Variants in IGSF21 observed in about 807,000 individuals in gnomAD.
IGSF21 encodes the protein immunoglobulin superfamily member 21.
A neutral mutation model predicts 46.8 loss-of-function variants in IGSF21; 28 were observed. The observed-to-expected ratio is 0.60, with a 90% CI of 0.44 to 0.82. The LOEUF (loss-of-function observed/expected upper bound fraction) is 0.82. Ranked by LOEUF, IGSF21 falls within the 40% of genes least tolerant of loss-of-function variation. The pLI, the probability that IGSF21 is intolerant of heterozygous loss-of-function variation, is 0.00. For synonymous variants in IGSF21, 284 were observed against 273.6 expected (o/e 1.04, Z -0.38); for missense variants, 624 against 665.5 (o/e 0.94, Z 0.69).
intron 1 of IGSF21, among the ~76,000 whole-genome samples, chr1:18,178,124 C>A (rs942128545): frequency 6.6e-6 from 1 of 151,984 alleles, no homozygotes; most frequent in Non-Finnish European, 1.5e-5. Context: ...AGGGAGCAGG[C>A]TGGAAAAGAG....
chr1:18,213,415 C>G (rs2084411769), intron 1 of IGSF21, among the ~76,000 whole-genome samples: 1 of 152,116 alleles, frequency 6.6e-6, no homozygotes, highest in South Asian at 2.1e-4. Context: ...CATTCAAGTA[C>G]CCAGGTTTCT....
At chr1:18,339,180 T>C (rs954531714) in intron 4 of IGSF21, among the ~76,000 whole-genome samples, 3 of 152,174 alleles carry the variant, frequency 2.0e-5, no homozygotes, top group Non-Finnish European at 4.4e-5. Flanking sequence ...ATTTTACGGA[T>C]GACGGAGCAG....
intron 2 of IGSF21, among the ~76,000 whole-genome samples, chr1:18,242,483 GT>G (rs1265928292): frequency 1.3e-5 from 2 of 152,188 alleles, no homozygotes; most frequent in Non-Finnish European, 2.9e-5. Context: ...ATTTTGCAAA[GT>G]GGTAGAGTAA....
intron 1 of IGSF21, among the ~76,000 whole-genome samples, chr1:18,177,636 A>G (rs905222158): frequency 6.6e-5 from 10 of 151,808 alleles, no homozygotes; most frequent in Non-Finnish European, 1.3e-4. Flanking sequence ...CTTAATTTGC[A>G]TGGGTTTGCA....
intron 2 of IGSF21, among the ~76,000 whole-genome samples, chr1:18,244,684 G>A (rs901885580): frequency 3.3e-5 from 5 of 152,116 alleles, no homozygotes; most frequent in Non-Finnish European, 4.4e-5. Flanking sequence ...CTGCCCTGGT[G>A]GAATAAAGGA....
rs368501041 is a variant in IGSF21 at position 18,337,510 on chromosome 1, C to T, written c.424+2500C>T. Among the ~76,000 whole-genome samples, 2 of 152,136 alleles carry T rather than the reference C, an allele frequency of 1.3e-5. No homozygotes were observed. The highest frequency in any genetic ancestry group is 4.8e-5 in the African/African-American group (2 of 41,420). Reference sequence around the variant, plus strand: ...GTTTTGGCCCCAGCAAAGAGAAGTCCCCCATTCACAGCTCCAAAGAGCCCT... The same window carrying T: ...GTTTTGGCCCCAGCAAAGAGAAGTCTCCCATTCACAGCTCCAAAGAGCCCT... On this transcript the variant is annotated intron_variant, in intron 4 of 9. Coordinates refer to ENST00000251296, the MANE Select transcript of IGSF21 (RefSeq NM_032880.5). This position sits in a 1 kb window ranked among gnomAD's most constrained non-coding sequence, Gnocchi z 5.7.
rs78434086 is a variant in IGSF21, at chr1:18,161,213, G to A, written c.70+53015G>A. Among the ~76,000 whole-genome samples, 419 of 152,238 alleles carry A rather than the reference G, an allele frequency of 2.8e-3. 1 individual carries two copies. Among genetic ancestry groups the A allele is most frequent in the African/African-American group, 9.2e-3 (381 of 41,562 alleles). ...CCTTTCTCCACAGAGTCCCTACGGGGCCCTCCCAGCCTCCACTGGCATGAA... is the reference window on the plus strand; with the variant it reads ...CCTTTCTCCACAGAGTCCCTACGGGACCCTCCCAGCCTCCACTGGCATGAA... On this transcript the variant is annotated intron_variant, in intron 1 of 9. Coordinates refer to ENST00000251296, the MANE Select transcript of IGSF21 (RefSeq NM_032880.5).
chr1:18,150,053 A>G (rs1317074473), intron 1 of IGSF21, among the ~76,000 whole-genome samples: 1 of 152,108 alleles, frequency 6.6e-6, no homozygotes, highest in Non-Finnish European at 1.5e-5. Flanking sequence ...TAGGAGTTTG[A>G]GGCCATCCTG....
rs559561361 is a variant in IGSF21 at position 18,123,480 on chromosome 1, A to C, written c.70+15282A>C. On this transcript the variant is annotated intron_variant, in intron 1 of 9. Coordinates refer to ENST00000251296, the MANE Select transcript of IGSF21 (RefSeq NM_032880.5). ...CCCAGTGCCTGTCCTCAAGGAATTC[A>C]TAGTCTCTTGGGGCTGATAGGCAGG... 1.2e-4 allele frequency among the ~76,000 whole-genome samples: 18 copies of C among 152,328 alleles called. No homozygotes were observed. In the East Asian group the frequency reaches 3.5e-3, roughly 29 times the overall value.
At chr1:18,218,307 G>A (rs2084473974) in intron 1 of IGSF21, among the ~76,000 whole-genome samples, 1 of 152,162 alleles carries the variant, frequency 6.6e-6, no homozygotes, top group African/African-American at 2.4e-5. Flanking sequence ...GAGCAGCAAG[G>A]GAAAAGTCTG....
At chr1:18,174,095 C>T (rs929809470) in intron 1 of IGSF21, among the ~76,000 whole-genome samples, 7 of 152,138 alleles carry the variant, frequency 4.6e-5, no homozygotes, top group Non-Finnish European at 1.0e-4. Context: ...ATGAATGTTC[C>T]GGGAAGCTCA....
intron 4 of IGSF21, among the ~76,000 whole-genome samples, chr1:18,360,959 C>A (rs1409387298): frequency 7.0e-6 from 1 of 143,420 alleles, no homozygotes; most frequent in Non-Finnish European, 1.6e-5. Context: ...CAGTCCCTGC[C>A]CCTTGCGATG....
chr1:18,112,024 G>C (rs1374944579), intron 1 of IGSF21: 1 of 152,358 alleles, frequency 6.6e-6, no homozygotes, highest in Non-Finnish European at 1.5e-5. Context: ...AGAGGACGGA[G>C]TAGGGGAAGG....
intron 2 of IGSF21, among the ~76,000 whole-genome samples, chr1:18,235,618 C>A (rs1460961967): frequency 6.6e-6 from 1 of 152,132 alleles, no homozygotes; most frequent in Non-Finnish European, 1.5e-5. Context: ...ACAGAAAGTG[C>A]ATGTGGCTGG....
intron 1 of IGSF21, among the ~76,000 whole-genome samples, chr1:18,186,133 C>T (rs2086900775): frequency 6.6e-6 from 1 of 152,114 alleles, no homozygotes; most frequent in East Asian, 1.9e-4. Flanking sequence ...ATTCCCTGTC[C>T]CCCAGACACT....
intron 1 of IGSF21, among the ~76,000 whole-genome samples, chr1:18,145,755 G>T (rs1198161005): frequency 6.6e-6 from 1 of 152,202 alleles, no homozygotes; most frequent in Non-Finnish European, 1.5e-5. Flanking sequence ...TAAGGAATGC[G>T]CAGGGCACCT....
intron 3 of IGSF21, among the ~76,000 whole-genome samples, chr1:18,306,897 C>A (rs192903504): frequency 6.6e-6 from 1 of 152,210 alleles, no homozygotes; most frequent in Non-Finnish European, 1.5e-5. Flanking sequence ...AGACCAGGCC[C>A]CAGGGTGACC....
At chr1:18,208,041 G>A (rs1272725739) in intron 1 of IGSF21, among the ~76,000 whole-genome samples, 1 of 152,040 alleles carries the variant, frequency 6.6e-6, no homozygotes, top group South Asian at 2.1e-4. Flanking sequence ...CCCTGGGAGA[G>A]AGATAGGAAT....
At chr1:18,206,147 G>A (rs556883851) in intron 1 of IGSF21, among the ~76,000 whole-genome samples, 9 of 152,336 alleles carry the variant, frequency 5.9e-5, no homozygotes, top group Non-Finnish European at 1.0e-4. Flanking sequence ...GAGGTTAGCT[G>A]GGAATTTTAG....
Sources: allele counts gnomAD v4.1 joint callset (sites outside exome capture counted in the v4.1 genomes callset), GRCh38; gene constraint gnomAD v4.1.1; non-coding constraint Gnocchi (gnomAD v3.1); transcripts MANE v1.5; gene names NCBI Gene and HGNC (gene_info 2026-07-23, HGNC 2026-07-21).